Variants in SIN3A observed in about 807,000 individuals in gnomAD.
The protein encoded by SIN3A is SIN3 transcription regulator family member A.
SIN3A carries 14 observed loss-of-function variants against 146.1 expected under a neutral mutation model. That is an observed-to-expected ratio of 0.10 (90% CI 0.06 to 0.15). SIN3A has a LOEUF of 0.15. SIN3A is among the 10% of genes least tolerant of loss of function. The pLI is 1.00. For missense variants in SIN3A, 1,028 were observed against 1,576.0 expected (o/e 0.65, Z 5.89); for synonymous variants, 572 against 572.0 (o/e 1.00, Z 0.00).
intron 20 of SIN3A, among the ~76,000 whole-genome samples, chr15:75,375,063 A>G (rs2072828740): frequency 6.6e-6 from 1 of 152,208 alleles, no homozygotes; most frequent in South Asian, 2.1e-4. Flanking sequence ...TACTGGGAGT[A>G]AATTCACCAA....
chr15:75,406,551 G>A (rs1291532057), intron 9 of SIN3A, among the ~76,000 whole-genome samples: 3 of 152,202 alleles, frequency 2.0e-5, no homozygotes, highest in Non-Finnish European at 4.4e-5. Context: ...GCCGGGCGAG[G>A]TGGTGGGCGC....
Position 75,411,741 on chromosome 15 carries a change from G to C in SIN3A, c.759C>G (p.Pro253=), listed in dbSNP as rs563259665. The part of the protein sequence containing the change: ...PQPPPAKVSK[P]SQLQAHTPAS... Reference sequence around the variant, plus strand: ...CCGGAGTATGTGCTTGCAGTTGGGAGGGCTAGAAAGAAAAGAAATCTTTAT... The same window carrying C: ...CCGGAGTATGTGCTTGCAGTTGGGACGGCTAGAAAGAAAAGAAATCTTTAT... The change falls in exon 6 of 21, where the codon CCC becomes CCG. Residue 253 remains proline, a splice_region_variant and synonymous_variant. Transcript: ENST00000394947. The C allele has an allele frequency of 3.1e-5, 49 of 1,580,766 alleles. No homozygotes were observed. In the South Asian group the frequency reaches 4.4e-4, roughly 14 times the overall value.
upstream of SIN3A, chr15:75,451,863 CCTT>C (rs2074417663): frequency 6.6e-6 from 1 of 152,242 alleles, no homozygotes; most frequent in Admixed American, 6.5e-5. Flanking sequence ...GAGCCGCTCT[CCTT>C]CTCCACGCCC....
At chr15:75,434,984 A>T (rs919108754) in intron 1 of SIN3A, among the ~76,000 whole-genome samples, 4 of 144,818 alleles carry the variant, frequency 2.8e-5, no homozygotes, top group African/African-American at 1.0e-4. Context: ...AAAGCAATTT[A>T]AAAAAAAAAA....
chr15:75,451,186 G>A (rs1487425218), intron 1 of SIN3A, among the ~76,000 whole-genome samples: 3 of 149,810 alleles, frequency 2.0e-5, no homozygotes, highest in African/African-American at 7.4e-5. Flanking sequence ...GCCTCTGAGC[G>A]GCGGCGCGAG....
intron 1 of SIN3A, among the ~76,000 whole-genome samples, chr15:75,434,100 C>G (rs1043119157): frequency 2.0e-5 from 3 of 152,200 alleles, no homozygotes; most frequent in South Asian, 2.1e-4. Flanking sequence ...ACTACCTTAC[C>G]TCTCACAGAA....
intron 19 of SIN3A, among the ~76,000 whole-genome samples, chr15:75,380,032 T>C (rs1193811206): frequency 6.6e-6 from 1 of 152,238 alleles, no homozygotes; most frequent in Non-Finnish European, 1.5e-5. Context: ...CTATAGCTTA[T>C]GCTGAAAATG....
chr15:75,439,188 T>C (rs918170520), intron 1 of SIN3A, among the ~76,000 whole-genome samples: 1 of 152,168 alleles, frequency 6.6e-6, no homozygotes, highest in Non-Finnish European at 1.5e-5. Flanking sequence ...GAAGATGGAA[T>C]GCTACTGATA....
chr15:75,446,932 C>T (rs1472420231), intron 1 of SIN3A, among the ~76,000 whole-genome samples: 1 of 152,178 alleles, frequency 6.6e-6, no homozygotes, highest in East Asian at 1.9e-4. Flanking sequence ...TGCCACCATG[C>T]CCGGCTAACT....
At chr15:75,399,134 C>T (rs2073361378) in intron 12 of SIN3A, among the ~76,000 whole-genome samples, 2 of 151,756 alleles carry the variant, frequency 1.3e-5, no homozygotes, top group South Asian at 4.2e-4. Flanking sequence ...GGGAGGATCA[C>T]ACTTGAGTCT....
chr15:75,403,536 C>A (rs1385023531), intron 9 of SIN3A, among the ~76,000 whole-genome samples: 1 of 151,352 alleles, frequency 6.6e-6, no homozygotes, highest in East Asian at 1.9e-4. Context: ...GTTTTTGTTG[C>A]CTCTTTTTCT....
chr15:75,428,087 A>T (rs1478239752), intron 2 of SIN3A, among the ~76,000 whole-genome samples: 1 of 152,248 alleles, frequency 6.6e-6, no homozygotes, highest in African/African-American at 2.4e-5. Flanking sequence ...ACTTCTACAA[A>T]ACAGAGTAAC....
At position 75,372,013 on chromosome 15, in the gene SIN3A, C is replaced by T. The variant is rs908805435; in HGVS notation, c.3788G>A (p.Arg1263His). The T allele has an allele frequency of 6.8e-6, 11 of 1,614,082 alleles. No homozygotes were observed. The highest frequency in any genetic ancestry group is 2.2e-5 in the South Asian group (2 of 91,092). Reference protein sequence around the residue: ...TLHFVSINKYRVKYGTVFKAP With the variant: ...TLHFVSINKYHVKYGTVFKAP ...TTTGAATACTGTGCCGTATTTGACACGATACTTGTTAATGCTCACAAAATG... is the reference window on the plus strand; with the variant it reads ...TTTGAATACTGTGCCGTATTTGACATGATACTTGTTAATGCTCACAAAATG... Residue 1263 changes from arginine to histidine, a missense_variant, in exon 21 of 21, where the codon CGT becomes CAT. Physicochemically the swap from Arg to His is conservative, Grantham distance 29 (BLOSUM62 0). This residue lies in a region of SIN3A where 488 missense variants were observed against 690.2 expected (regional missense o/e 0.71). Transcript: ENST00000394947.
At chr15:75,417,369 A>G (rs889060553) in intron 3 of SIN3A, among the ~76,000 whole-genome samples, 2 of 150,902 alleles carry the variant, frequency 1.3e-5, no homozygotes, top group Non-Finnish European at 3.0e-5. Context: ...GATTTAAGCC[A>G]GTCTTTTTCT....
chr15:75,407,350 A>G (rs968257500), intron 8 of SIN3A, among the ~76,000 whole-genome samples: 7 of 152,214 alleles, frequency 4.6e-5, no homozygotes, highest in Admixed American at 2.6e-4. Flanking sequence ...GTTTCTTTCT[A>G]CAACAGAGGT....
intron 1 of SIN3A, among the ~76,000 whole-genome samples, chr15:75,443,285 AAATATGTCC>A (rs1247931178): frequency 2.0e-4 from 30 of 152,190 alleles, no homozygotes; most frequent in African/African-American, 5.8e-4. Context: ...ATGGATTTTT[AAATATGTCC>A]AATGAAAGCT....
At chr15:75,383,531 C>CTT (rs374790673) in intron 17 of SIN3A, among the ~76,000 whole-genome samples, 14 of 138,422 alleles carry the variant, frequency 1.0e-4, no homozygotes, top group East Asian at 4.1e-4. Flanking sequence ...TCAAGCAATC[C>CTT]TTTTTTTTTT....
intron 1 of SIN3A, among the ~76,000 whole-genome samples, chr15:75,450,213 G>A (rs1007270066): frequency 2.0e-5 from 3 of 151,168 alleles, no homozygotes; most frequent in African/African-American, 7.3e-5. Context: ...TTTATAAACA[G>A]ACCAGTTTTG....
chr15:75,376,850 A>T (rs2072867993), intron 19 of SIN3A, among the ~76,000 whole-genome samples: 1 of 138,748 alleles, frequency 7.2e-6, no homozygotes, highest in Non-Finnish European at 1.5e-5. Context: ...ACAGAGCCAG[A>T]CACTGTCTTA....
Sources: allele counts gnomAD v4.1 joint callset (sites outside exome capture counted in the v4.1 genomes callset), GRCh38; gene constraint gnomAD v4.1.1; regional missense constraint gnomAD v4.1.1; transcripts MANE v1.5; gene names NCBI Gene and HGNC (gene_info 2026-07-23, HGNC 2026-07-21).